The following SATB1 variants were observed in gnomAD, a reference collection of about 807,000 sequenced individuals.
SATB1 encodes the protein DNA-binding protein SATB1.
A neutral mutation model predicts 86.9 loss-of-function variants in SATB1; 11 were observed. That is an observed-to-expected ratio of 0.13 (90% CI 0.08 to 0.21). SATB1 has a LOEUF of 0.21. SATB1 is among the 10% of genes least tolerant of loss of function. SATB1 has a pLI of 1.00. For synonymous variants in SATB1, 357 were observed against 357.2 expected (o/e 1.00, Z 0.01); for missense variants, 551 against 937.6 (o/e 0.59, Z 5.39).
chr3:18,427,889 A>G (rs942639107), upstream of SATB1, among the ~76,000 whole-genome samples: 1 of 152,244 alleles, frequency 6.6e-6, no homozygotes, highest in African/African-American at 2.4e-5. Context: ...ACTATAAGAA[A>G]TGACATAAGT....
At chr3:18,411,457 G>A (rs1468191095) in intron 5 of SATB1, among the ~76,000 whole-genome samples, 1 of 152,060 alleles carries the variant, frequency 6.6e-6, no homozygotes. Flanking sequence ...GTATCAGAAT[G>A]TATATACATT....
intron 1 of SATB1, among the ~76,000 whole-genome samples, chr3:18,421,719 C>A (rs184755063): frequency 6.6e-6 from 1 of 152,062 alleles, no homozygotes; most frequent in Non-Finnish European, 1.5e-5. Context: ...TGCATTAAAA[C>A]TCATGTGTTT....
chr3:18,416,249 G>T (rs968783059), intron 3 of SATB1, 116 bp from the exon 4 acceptor site: 2 of 695,194 alleles, frequency 2.9e-6, no homozygotes, highest in African/African-American at 1.8e-5. Context: ...CGTTATTTCT[G>T]TTTGAATGAT....
chr3:18,392,079 T>A (rs1559427663), intron 7 of SATB1, among the ~76,000 whole-genome samples: 1 of 152,174 alleles, frequency 6.6e-6, no homozygotes, highest in Non-Finnish European at 1.5e-5. Context: ...ACACCCTTCA[T>A]AATCCAGGGC....
At chr3:18,393,763 C>T (rs754166964) in intron 7 of SATB1, among the ~76,000 whole-genome samples, 15 of 152,158 alleles carry the variant, frequency 9.9e-5, no homozygotes, top group Non-Finnish European at 1.8e-4. Flanking sequence ...TATTACTCTA[C>T]AGTGTGACCG....
intron 5 of SATB1, among the ~76,000 whole-genome samples, chr3:18,405,795 G>A (rs1246428630): frequency 6.6e-6 from 1 of 151,972 alleles, no homozygotes; most frequent in Non-Finnish European, 1.5e-5. Context: ...AAGACTGAGG[G>A]CTAAACCGCA....
At chr3:18,413,007 T>G (rs549175170) in intron 5 of SATB1, among the ~76,000 whole-genome samples, 2 of 152,176 alleles carry the variant, frequency 1.3e-5, no homozygotes, top group South Asian at 4.1e-4. Flanking sequence ...TTTTAGAAGT[T>G]TTTTTATGGA....
chr3:18,371,820 C>G (rs920070884), intron 9 of SATB1, among the ~76,000 whole-genome samples: 2 of 152,194 alleles, frequency 1.3e-5, no homozygotes, highest in Non-Finnish European at 2.9e-5. Context: ...CTTTCATCTT[C>G]TAACTTGGTA....
Position 18,349,844 on chromosome 3 carries a change from T to C in SATB1, c.1780-162A>G, listed in dbSNP as rs758383844. On this transcript the variant is annotated intron_variant, in intron 10 of 10. Coordinates refer to ENST00000338745, the MANE Select transcript of SATB1 (RefSeq NM_002971.6). The surrounding 1 kb of genome is among the most constrained non-coding windows in gnomAD (Gnocchi z 5.5). Reference sequence around the variant, plus strand: ...TAGGCCGGCGAAATGGCCGACAGCATTTACAAAAAAATCAAAATGATATGA... The same window carrying C: ...TAGGCCGGCGAAATGGCCGACAGCACTTACAAAAAAATCAAAATGATATGA... 3.1e-6 allele frequency: 4 copies of C among 1,296,724 alleles called. No individual in the cohort carries two copies. The highest frequency in any genetic ancestry group is 4.1e-6 in the Non-Finnish European group (4 of 978,244). The allele number at this position is 1,296,724 out of a possible 1,614,324, so 80.3% of individuals were successfully genotyped here.
Position 18,374,146 on chromosome 3 carries a change from G to A in SATB1, c.1575+4024C>T, listed in dbSNP as rs2125177751. Among the ~76,000 whole-genome samples the A allele has an allele frequency of 2.0e-5, 3 of 152,230 alleles. No individual in the cohort carries two copies. In the Middle Eastern group the frequency reaches 0.01, roughly 518 times the overall value. Reference sequence around the variant, plus strand: ...ATCAATGTAACAATTCAGTATACAAGGCAAGGCCTACAGTGCTGCTAATGT... The same window carrying A: ...ATCAATGTAACAATTCAGTATACAAAGCAAGGCCTACAGTGCTGCTAATGT... On this transcript the variant is annotated intron_variant, in intron 9 of 10. Transcript: ENST00000338745.
chr3:18,353,335 A>G (rs570932891), intron 9 of SATB1, among the ~76,000 whole-genome samples: 2 of 151,988 alleles, frequency 1.3e-5, no homozygotes, highest in Admixed American at 1.3e-4. Flanking sequence ...TCCCTCCATC[A>G]ATCTGGGGCT....
At chr3:18,375,052 CCTGGACT>C (rs1290787245) in intron 9 of SATB1, among the ~76,000 whole-genome samples, 1 of 152,124 alleles carries the variant, frequency 6.6e-6, no homozygotes, top group African/African-American at 2.4e-5. Flanking sequence ...TATGATAGAG[CCTGGACT>C]CTGAAGGCTC....
At chr3:18,379,421 T>A (rs1035877369) in intron 8 of SATB1, among the ~76,000 whole-genome samples, 3 of 152,204 alleles carry the variant, frequency 2.0e-5, no homozygotes, top group African/African-American at 7.2e-5. Context: ...TAAAGACATC[T>A]TTTCAGTTAC....
intron 9 of SATB1, among the ~76,000 whole-genome samples, chr3:18,361,628 C>T (rs1486013756): frequency 1.3e-5 from 2 of 152,096 alleles, no homozygotes; most frequent in Admixed American, 1.3e-4. Flanking sequence ...CTGTGAATTG[C>T]AGAATGTGGA....
At chr3:18,371,575 T>G (rs1695482739) in intron 9 of SATB1, among the ~76,000 whole-genome samples, 1 of 152,210 alleles carries the variant, frequency 6.6e-6, no homozygotes, top group Non-Finnish European at 1.5e-5. Flanking sequence ...CTAACGTAAG[T>G]TCTTCCATTC....
chr3:18,360,655 C>A (rs757921556), intron 9 of SATB1, among the ~76,000 whole-genome samples: 6 of 151,952 alleles, frequency 3.9e-5, no homozygotes, highest in Admixed American at 6.6e-5. Context: ...TGTTTCTGAG[C>A]CTCAAGATTC....
At chr3:18,380,445 T>TTTA (rs925716526) in intron 8 of SATB1, among the ~76,000 whole-genome samples, 1 of 152,106 alleles carries the variant, frequency 6.6e-6, no homozygotes, top group African/African-American at 2.4e-5. Flanking sequence ...TAATTTTTTT[T>TTTA]TTTATTTTAA....
upstream of SATB1, among the ~76,000 whole-genome samples, chr3:18,443,176 AC>A (rs1426421487): frequency 2.6e-5 from 4 of 152,230 alleles, no homozygotes; most frequent in Non-Finnish European, 5.9e-5. This position sits in a 1 kb window ranked among gnomAD's most constrained non-coding sequence, Gnocchi z 4.4. Flanking sequence ...AGCAGTACAA[AC>A]ACCGTAAATT....
chr3:18,422,012 TTATAG>T (rs1227482123), intron 1 of SATB1, among the ~76,000 whole-genome samples: 1 of 152,126 alleles, frequency 6.6e-6, no homozygotes, highest in African/African-American at 2.4e-5. Context: ...TTCCCATCAT[TTATAG>T]TAAAGTGATT....
Sources: gnomAD v4.1 joint callset for allele counts (sites outside exome capture counted in the v4.1 genomes callset) on GRCh38, gnomAD v4.1.1 for gene constraint, Gnocchi (gnomAD v3.1) non-coding constraint, MANE v1.5 for transcripts, NCBI Gene and HGNC (gene_info 2026-07-23, HGNC 2026-07-21) for gene names.